CELF2: variants seen among roughly 807,000 people sequenced by gnomAD.
CELF2 encodes CUGBP Elav-like family member 2.
A neutral mutation model predicts 62.6 loss-of-function variants in CELF2; 8 were observed. The ratio of observed to expected loss-of-function variants is 0.13; its 90% CI spans 0.07 to 0.23. The LOEUF is 0.23. Among genes scored for constraint, CELF2 ranks in the 10% least tolerant of loss-of-function variants. The pLI is 1.00. For missense variants in CELF2, 333 were observed against 671.0 expected (o/e 0.50, Z 5.56); for synonymous variants, 258 against 250.0 (o/e 1.03, Z -0.30).
chr10:11,140,560 G>A (rs776402289), intron 1 of CELF2, among the ~76,000 whole-genome samples: 1 of 152,088 alleles, frequency 6.6e-6, no homozygotes, highest in African/African-American at 2.4e-5. Context: ...TGTATTTTAT[G>A]AGCATGTGAA....
the CELF2 span, among the ~76,000 whole-genome samples, chr10:10,501,821 G>A: frequency 6.6e-6 from 1 of 152,162 alleles, no homozygotes; most frequent in Non-Finnish European, 1.5e-5. Flanking sequence ...TAAGAGTGGT[G>A]AGAGCAGACA....
intron 1 of CELF2, among the ~76,000 whole-genome samples, chr10:10,827,391 A>G (rs891412487): frequency 4.6e-5 from 7 of 152,226 alleles, no homozygotes; most frequent in Admixed American, 6.5e-5. Flanking sequence ...GAGGATAAGT[A>G]GGGAAAATAG....
chr10:10,681,534 T>C, the CELF2 span, among the ~76,000 whole-genome samples: 1 of 152,216 alleles, frequency 6.6e-6, no homozygotes, highest in South Asian at 2.1e-4. Context: ...CGTATGGCTG[T>C]GCTCCAGAAA....
chr10:11,288,317 C>T (rs1296036601), intron 8 of CELF2, 101 bp from the exon 9 acceptor site: 2 of 1,466,444 alleles, frequency 1.4e-6, no homozygotes, highest in African/African-American at 1.4e-5. Context: ...GGGTCGTCTG[C>T]TCTCATCATG....
chr10:10,671,062 G>T, the CELF2 span, among the ~76,000 whole-genome samples: 6 of 151,816 alleles, frequency 4.0e-5, no homozygotes, highest in Admixed American at 3.9e-4. Flanking sequence ...AGTCACTTGC[G>T]GGGTGAGGTG....
intron 1 of CELF2, among the ~76,000 whole-genome samples, chr10:10,906,299 A>C (rs1448195143): frequency 6.6e-6 from 1 of 152,190 alleles, no homozygotes; most frequent in African/African-American, 2.4e-5. Flanking sequence ...AATTATCCCC[A>C]ACATAAATGG....
chr10:10,746,942 G>C, the CELF2 span, among the ~76,000 whole-genome samples: 20 of 152,186 alleles, frequency 1.3e-4, no homozygotes, highest in African/African-American at 4.8e-4. Context: ...AGAAGTATGG[G>C]AGATAGAAAG....
rs568450104 is a variant in CELF2 at position 11,217,329 on chromosome 10, G to T, written c.272-96G>T. On this transcript the variant is annotated intron_variant, in intron 2 of 12. Transcript: ENST00000633077. The surrounding 1 kb of genome is among the most constrained non-coding windows in gnomAD (Gnocchi z 5.6). ...ATGCTTTATTATTTTTAAATTGTGCGTCCTTTTAAGTAGATTGTTTGTTCG... is the reference window on the plus strand; with the variant it reads ...ATGCTTTATTATTTTTAAATTGTGCTTCCTTTTAAGTAGATTGTTTGTTCG... 6 of 735,450 alleles carry T rather than the reference G, an allele frequency of 8.2e-6. No individual in the cohort carries two copies. The African/African-American group carries it at 9.0e-5, about 11-fold the overall frequency. 45.6% of individuals were successfully genotyped at this position (735,450 alleles called of 1,614,324 possible).
chr10:10,496,356 A>T, the CELF2 span, among the ~76,000 whole-genome samples: 1 of 152,168 alleles, frequency 6.6e-6, no homozygotes, highest in Non-Finnish European at 1.5e-5. Flanking sequence ...AAGCTACCTT[A>T]ATTTCTTGCC....
intron 1 of CELF2, among the ~76,000 whole-genome samples, chr10:11,104,275 G>A (rs2052724326): frequency 6.6e-6 from 1 of 152,112 alleles, no homozygotes; most frequent in Non-Finnish European, 1.5e-5. Context: ...TCCTCTATCA[G>A]GTGATCAAAC....
chr10:11,002,293 A>G (rs1378952725), upstream of CELF2, among the ~76,000 whole-genome samples: 1 of 152,214 alleles, frequency 6.6e-6, no homozygotes, highest in Non-Finnish European at 1.5e-5. The surrounding 1 kb of genome is among the most constrained non-coding windows in gnomAD (Gnocchi z 4.4). Context: ...GATTTCAGTT[A>G]TCTCCCACCA....
chr10:10,873,996 T>C (rs2060922994), intron 1 of CELF2, among the ~76,000 whole-genome samples: 1 of 152,162 alleles, frequency 6.6e-6, no homozygotes, highest in South Asian at 2.1e-4. Flanking sequence ...TTGATGTAAA[T>C]AATGTGCTGA....
chr10:10,950,711 C>G (rs577649079), intron 2 of CELF2, among the ~76,000 whole-genome samples: 1 of 152,350 alleles, frequency 6.6e-6, no homozygotes, highest in South Asian at 2.1e-4. Context: ...AGCATTGCAA[C>G]TTTCCTGATT....
the CELF2 span, among the ~76,000 whole-genome samples, chr10:10,778,609 G>A: frequency 3.1e-4 from 47 of 152,258 alleles, no homozygotes; most frequent in African/African-American, 6.7e-4. Context: ...ACCTGTTTAC[G>A]TGTTTGCCTC....
the CELF2 span, among the ~76,000 whole-genome samples, chr10:10,754,061 G>GGTTGTT: frequency 5.9e-5 from 5 of 85,056 alleles, no homozygotes; most frequent in African/African-American, 1.8e-4. Context: ...TGCTGAGGTG[G>GGTTGTT]TTTTTTTTTT....
the CELF2 span, among the ~76,000 whole-genome samples, chr10:10,557,062 C>G: frequency 2.0e-5 from 3 of 148,606 alleles, no homozygotes; most frequent in African/African-American, 7.5e-5. Flanking sequence ...TCAATTTTGT[C>G]TTTTGTTGCC....
intron 2 of CELF2, among the ~76,000 whole-genome samples, chr10:11,196,572 A>G: frequency 6.6e-6 from 1 of 152,050 alleles, no homozygotes; most frequent in Admixed American, 6.6e-5. Context: ...GAGGCTGAGG[A>G]GGGAGGACAG....
At chr10:10,554,895 T>C in the CELF2 span, among the ~76,000 whole-genome samples, 2 of 152,126 alleles carry the variant, frequency 1.3e-5, no homozygotes, top group African/African-American at 2.4e-5. Flanking sequence ...CAAATAATCC[T>C]AGAGATGTTA....
In CELF2 at chr10:11,330,427, CTT is replaced by C. The variant is rs2095985543; in HGVS notation, c.*1378_*1379del. 6.6e-6 allele frequency: 1 copy of C among 152,482 alleles called. No homozygotes were observed. Among genetic ancestry groups the C allele is most frequent in the African/African-American group, 2.4e-5 (1 of 41,432 alleles). The allele number at this position is 152,482 out of a possible 1,614,324, so 9.4% of individuals were successfully genotyped here. ...TTGCCGCTGCATAGATTCTGTGTAA[CTT>C]TTTACTCTTCCTTGTTTTTTCCCTA... On this transcript the variant is annotated 3_prime_UTR_variant, in exon 13 of 13. Transcript: ENST00000633077. The surrounding 1 kb of genome is among the most constrained non-coding windows in gnomAD (Gnocchi z 4.5).
Sources: gnomAD v4.1 joint callset for allele counts (sites outside exome capture counted in the v4.1 genomes callset) on GRCh38, gnomAD v4.1.1 for gene constraint, Gnocchi (gnomAD v3.1) non-coding constraint, MANE v1.5 for transcripts, NCBI Gene and HGNC (gene_info 2026-07-23, HGNC 2026-07-21) for gene names.